CHRM3: variants seen among roughly 807,000 people sequenced by gnomAD.
CHRM3 encodes cholinergic receptor muscarinic 3.
In CHRM3, 11 loss-of-function variants were observed where a neutral mutation model predicts 41.8. That is an observed-to-expected ratio of 0.26 (90% CI 0.17 to 0.44). The LOEUF is 0.44. Among genes scored for constraint, CHRM3 ranks in the 20% least tolerant of loss-of-function variants. The pLI is 1.00. For missense variants in CHRM3, 571 were observed against 745.4 expected (o/e 0.77, Z 2.72); for synonymous variants, 297 against 301.4 (o/e 0.99, Z 0.15).
intron 3 of CHRM3, among the ~76,000 whole-genome samples, chr1:239,602,110 G>GTGTGTGTGTATA (rs1307023039): frequency 5.3e-5 from 6 of 112,860 alleles, no homozygotes; most frequent in African/African-American, 2.1e-4. Flanking sequence ...GTGTGTGTGT[G>GTGTGTGTGTATA]TATATATATA....
At chr1:239,404,432 A>AAGAAAG (rs1558195946) in intron 1 of CHRM3, among the ~76,000 whole-genome samples, 1 of 118,110 alleles carries the variant, frequency 8.5e-6, no homozygotes, top group African/African-American at 3.0e-5. Flanking sequence ...GAAAGAAAGA[A>AAGAAAG]AGAAAGAAAG....
At chr1:239,571,806 G>T (rs1661854386) in intron 3 of CHRM3, among the ~76,000 whole-genome samples, 1 of 152,136 alleles carries the variant, frequency 6.6e-6, no homozygotes, top group Non-Finnish European at 1.5e-5. Context: ...TCTCTTACAA[G>T]TAATTTTTGT....
chr1:239,816,273 T>A (rs1283154924), intron 5 of CHRM3, among the ~76,000 whole-genome samples: 1 of 152,208 alleles, frequency 6.6e-6, no homozygotes, highest in Non-Finnish European at 1.5e-5. Flanking sequence ...GGAATGTGTT[T>A]GCCTTTCTTC....
intron 1 of CHRM3, among the ~76,000 whole-genome samples, chr1:239,392,797 T>C (rs563644815): frequency 6.6e-6 from 1 of 152,304 alleles, no homozygotes; most frequent in African/African-American, 2.4e-5. Flanking sequence ...ACAGCCTTTG[T>C]CTACATTTTT....
chr1:239,847,305 G>C (rs1367527003), intron 6 of CHRM3, among the ~76,000 whole-genome samples: 2 of 152,110 alleles, frequency 1.3e-5, no homozygotes, highest in African/African-American at 2.4e-5. Flanking sequence ...TAGAGGATCT[G>C]TTTATTTCAG....
chr1:239,484,999 G>A (rs779094159), intron 1 of CHRM3, among the ~76,000 whole-genome samples: 3 of 152,172 alleles, frequency 2.0e-5, no homozygotes, highest in Admixed American at 6.5e-5. Flanking sequence ...TTGTTGGATG[G>A]AGGAAGACAG....
chr1:239,872,253 G>A (rs1676650069), intron 6 of CHRM3, among the ~76,000 whole-genome samples: 1 of 152,180 alleles, frequency 6.6e-6, no homozygotes, highest in South Asian at 2.1e-4. Context: ...TGGTCACATT[G>A]CTACCTTTTT....
chr1:239,428,271 G>C (rs938055768), intron 1 of CHRM3, among the ~76,000 whole-genome samples: 8 of 152,358 alleles, frequency 5.3e-5, no homozygotes, highest in African/African-American at 1.9e-4. Flanking sequence ...GCAAGAGCAA[G>C]AGTTTGGTAT....
chr1:239,807,051 T>G (rs1670714853), intron 5 of CHRM3, among the ~76,000 whole-genome samples: 4 of 152,214 alleles, frequency 2.6e-5, no homozygotes. Context: ...TTTCTTTATT[T>G]GGGGTTGGTA....
At chr1:239,560,912 A>G (rs1660795664) in intron 3 of CHRM3, among the ~76,000 whole-genome samples, 2 of 151,762 alleles carry the variant, frequency 1.3e-5, no homozygotes, top group South Asian at 4.2e-4. Flanking sequence ...CATCTGTCTC[A>G]TCTCCCTTTC....
intron 2 of CHRM3, among the ~76,000 whole-genome samples, chr1:239,542,543 C>T (rs571240899): frequency 5.3e-5 from 8 of 152,268 alleles, no homozygotes; most frequent in Admixed American, 3.9e-4. Flanking sequence ...GTATTCTAGA[C>T]ATTTTGTTCA....
intron 5 of CHRM3, among the ~76,000 whole-genome samples, chr1:239,713,017 C>T (rs528721490): frequency 2.0e-5 from 3 of 152,222 alleles, no homozygotes; most frequent in East Asian, 3.9e-4. Flanking sequence ...CAGAAGCCAG[C>T]GCCTAAAAAG....
rs189139656 is a variant in CHRM3 at position 239,833,730 on chromosome 1, C to T, written c.-20+6352C>T. Among the ~76,000 whole-genome samples, 36 of 152,274 alleles carry T rather than the reference C, an allele frequency of 2.4e-4. 1 individual carries two copies. Among genetic ancestry groups the T allele is most frequent in the Admixed American group, 2.0e-3 (31 of 15,296 alleles). On this transcript the variant is annotated intron_variant, in intron 6 of 6. Coordinates refer to ENST00000676153, the MANE Select transcript of CHRM3 (RefSeq NM_001375978.1). ...GATTCCCTGGTGGAGTCTGAAGGCT[C>T]TGGCTTGGGATTACTTTCAGCATAA...
intron 1 of CHRM3, among the ~76,000 whole-genome samples, chr1:239,422,219 G>A (rs767459280): frequency 1.3e-5 from 2 of 152,120 alleles, no homozygotes; most frequent in Non-Finnish European, 2.9e-5. Flanking sequence ...CAATATTTGA[G>A]CATAGGCTAC....
chr1:239,853,074 T>C (rs574406680), intron 6 of CHRM3, among the ~76,000 whole-genome samples: 2 of 152,090 alleles, frequency 1.3e-5, no homozygotes, highest in African/African-American at 4.8e-5. Flanking sequence ...CGTTGTTCTT[T>C]TTCAACTTTT....
chr1:239,631,072 A>G (rs1187464458), intron 3 of CHRM3, among the ~76,000 whole-genome samples: 2 of 152,200 alleles, frequency 1.3e-5, no homozygotes, highest in Non-Finnish European at 2.9e-5. Context: ...AAGGGATATC[A>G]GGGCAGCAGA....
chr1:239,397,004 C>T (rs2102950982), intron 1 of CHRM3, among the ~76,000 whole-genome samples: 1 of 152,258 alleles, frequency 6.6e-6, no homozygotes, highest in South Asian at 2.1e-4. Context: ...CTTAAATATG[C>T]CTTTATTCAG....
Position 239,909,317 on chromosome 1 carries a change from G to A in CHRM3, c.*93G>A. ...CGAGGGCGGGGTGACTTCTGGTGAT[G>A]ATAAAAATGGTTTTATCACCCAGAT... On this transcript the variant is annotated 3_prime_UTR_variant, in exon 7 of 7. Transcript: ENST00000676153. 1 of 1,336,392 alleles carries A rather than the reference G, an allele frequency of 7.5e-7. No individual in the cohort carries two copies. The highest frequency in any genetic ancestry group is 1.0e-6 in the Non-Finnish European group (1 of 982,818). 82.8% of individuals were successfully genotyped at this position (1,336,392 alleles called of 1,614,324 possible).
intron 2 of CHRM3, among the ~76,000 whole-genome samples, chr1:239,531,054 G>T (rs184457379): frequency 3.9e-5 from 6 of 152,126 alleles, no homozygotes; most frequent in Non-Finnish European, 7.4e-5. Flanking sequence ...AAAGATAAAA[G>T]ACAGAGAAAA....
Sources: allele counts gnomAD v4.1 joint callset (sites outside exome capture counted in the v4.1 genomes callset), GRCh38; gene constraint gnomAD v4.1.1; transcripts MANE v1.5; gene names NCBI Gene and HGNC (gene_info 2026-07-23, HGNC 2026-07-21).